ETFA: variants seen among roughly 807,000 people sequenced by gnomAD.
ETFA encodes electron transfer flavoprotein subunit alpha, mitochondrial.
Under a neutral mutation model 46.2 loss-of-function variants are expected in ETFA, and 22 were observed. The ratio of observed to expected loss-of-function variants is 0.48; its 90% CI spans 0.34 to 0.68. The LOEUF is 0.68. Ranked by LOEUF, ETFA falls within the 30% of genes least tolerant of loss-of-function variation. ETFA has a pLI of 0.01. For synonymous variants in ETFA, 131 were observed against 139.9 expected, an observed-to-expected ratio of 0.94 and a Z score of 0.45; for missense variants, 345 against 401.1, an observed-to-expected ratio of 0.86 and a Z score of 1.19.
intron 9 of ETFA, among the ~76,000 whole-genome samples, chr15:76,247,627 C>A (rs973556860): frequency 1.3e-5 from 2 of 152,160 alleles, no homozygotes; most frequent in Non-Finnish European, 2.9e-5. Flanking sequence ...CTTGGTTATT[C>A]ACTAAGAGTT....
chr15:76,274,475 A>G lies in ETFA; in HGVS notation c.753T>C (p.Ala251=). The G allele has an allele frequency of 1.2e-6, 2 of 1,612,612 alleles. No individual in the cohort carries two copies. Among genetic ancestry groups the G allele is most frequent in the South Asian group, 2.2e-5 (2 of 90,766 alleles). Residue 251 remains alanine (A), a synonymous_variant, in exon 9 of 12, where the codon GCT becomes GCC. Transcript: ENST00000557943. The part of the protein sequence containing the change: ...LHAAVGASRA[A]VDAGFVPNDM... ...CATTGGGAACAAAGCCAGCATCAAC[A>G]GCAGCACGGGAAGCACCAACTAAGG...
At chr15:76,275,424 TTC>T (rs1440346548) in intron 8 of ETFA, among the ~76,000 whole-genome samples, 2 of 152,240 alleles carry the variant, frequency 1.3e-5, no homozygotes, top group Non-Finnish European at 2.9e-5. Context: ...TACTCCTGCT[TTC>T]TTTCAATTAG....
chr15:76,295,936 C>CTTTTTTGTTTTTTTTTTTTTTTT (rs2039816651), intron 1 of ETFA, among the ~76,000 whole-genome samples, 199 bp from the exon 2 acceptor site: 1 of 46,602 alleles, frequency 2.1e-5, no homozygotes, highest in African/African-American at 6.7e-5. Flanking sequence ...CACTAATATT[C>CTTTTTTGTTTTTTTTTTTTTTTT]TTTTTTTTTT....
intron 8 of ETFA, among the ~76,000 whole-genome samples, chr15:76,275,087 T>C (rs1319376071): frequency 2.0e-5 from 3 of 152,092 alleles, no homozygotes; most frequent in Admixed American, 6.5e-5. Context: ...TCACCACCAC[T>C]ATCTTGAGTC....
chr15:76,285,634 TAC>T lies in ETFA; in HGVS notation c.664+1_664+2del, dbSNP rs1567215572. The T allele has an allele frequency of 1.3e-6, 2 of 1,512,834 alleles. No individual in the cohort carries two copies. Among genetic ancestry groups the T allele is most frequent in the Non-Finnish European group, 1.8e-6 (2 of 1,088,010 alleles). 93.7% of individuals were successfully genotyped at this position (1,512,834 alleles called of 1,614,324 possible). On this transcript the variant is annotated splice_donor_variant, in intron 7 of 11. Transcript: ENST00000557943. LOFTEE classifies it high-confidence loss of function. Reference sequence around the variant, plus strand: ...CATCTTTTAAGATTAATATTTCACTTACCACCAGATACCACCACTTTGGCACC... The same window carrying T: ...CATCTTTTAAGATTAATATTTCACTTCACCAGATACCACCACTTTGGCACC...
At chr15:76,232,797 A>G (rs935569407) in intron 9 of ETFA, among the ~76,000 whole-genome samples, 2 of 152,194 alleles carry the variant, frequency 1.3e-5, no homozygotes, top group Non-Finnish European at 2.9e-5. Flanking sequence ...TTGTAAAGAA[A>G]GCTCCCCAGG....
chr15:76,233,864 G>A (rs2039094939), intron 9 of ETFA, among the ~76,000 whole-genome samples: 2 of 152,294 alleles, frequency 1.3e-5, no homozygotes, highest in Admixed American at 1.3e-4. Flanking sequence ...GAGTCTTTCT[G>A]TCATACATGT....
chr15:76,285,549 C>G (rs769116837), intron 7 of ETFA, 88 bp downstream of exon 7: 37 of 767,580 alleles, frequency 4.8e-5, no homozygotes, highest in Middle Eastern at 3.0e-4. Context: ...TGAAAAAGAT[C>G]TGTGTACTTC....
chr15:76,304,810 C>A (rs1053868635), intron 1 of ETFA, among the ~76,000 whole-genome samples: 1 of 151,910 alleles, frequency 6.6e-6, no homozygotes, highest in African/African-American at 2.4e-5. Flanking sequence ...TTTGGGAGGC[C>A]GAGGCGGGCA....
intron 2 of ETFA, among the ~76,000 whole-genome samples, chr15:76,294,063 C>T (rs965626067): frequency 6.6e-6 from 1 of 152,112 alleles, no homozygotes; most frequent in African/African-American, 2.4e-5. Context: ...GGTATAAAAC[C>T]GAACTCTATT....
intron 9 of ETFA, among the ~76,000 whole-genome samples, chr15:76,269,176 G>A (rs560180655): frequency 1.9e-4 from 29 of 152,302 alleles, no homozygotes; most frequent in East Asian, 1.4e-3. Context: ...GAAAGCTGCC[G>A]TCAAGAACAA....
intron 9 of ETFA, among the ~76,000 whole-genome samples, chr15:76,245,504 C>T (rs2039235090): frequency 6.6e-6 from 1 of 152,166 alleles, no homozygotes; most frequent in African/African-American, 2.4e-5. Flanking sequence ...TTTGTTCCTA[C>T]ACAGACTTTT....
intron 9 of ETFA, among the ~76,000 whole-genome samples, chr15:76,252,755 T>C (rs1358689687): frequency 6.6e-6 from 1 of 152,166 alleles, no homozygotes; most frequent in Admixed American, 6.5e-5. Context: ...GGATATGGTA[T>C]ATAAATGTGT....
chr15:76,251,253 G>A (rs1567203580), intron 9 of ETFA, among the ~76,000 whole-genome samples: 2 of 152,164 alleles, frequency 1.3e-5, no homozygotes, highest in South Asian at 4.1e-4. Context: ...AAAATGATGG[G>A]GTCCAGAGGA....
intron 9 of ETFA, among the ~76,000 whole-genome samples, chr15:76,252,683 A>G (rs2039310081): frequency 6.6e-6 from 1 of 152,232 alleles, no homozygotes; most frequent in Admixed American, 6.5e-5. Context: ...GCTAACTGAT[A>G]AAACTGGAGT....
At chr15:76,290,181 C>T (rs1016190882) in intron 4 of ETFA, among the ~76,000 whole-genome samples, 10 of 152,042 alleles carry the variant, frequency 6.6e-5, no homozygotes, top group African/African-American at 1.9e-4. Context: ...TAAATTCCAG[C>T]CCATGTTTAC....
intron 11 of ETFA, among the ~76,000 whole-genome samples, chr15:76,224,673 A>G (rs1218606206): frequency 6.6e-6 from 1 of 152,188 alleles, no homozygotes; most frequent in Non-Finnish European, 1.5e-5. Context: ...CCTCTCCACT[A>G]AGGCCCATAG....
Position 76,311,331 on chromosome 15 carries a change from C to T in ETFA, c.39+19G>A. The T allele has an allele frequency of 6.4e-7, 1 of 1,554,730 alleles. No individual in the cohort carries two copies. The highest frequency in any genetic ancestry group is 1.2e-5 in the South Asian group (1 of 84,408). On this transcript the variant is annotated intron_variant, in intron 1 of 11. Coordinates refer to ENST00000557943, the MANE Select transcript of ETFA (RefSeq NM_000126.4). Reference sequence around the variant, plus strand: ...GACGGGGGGCCGTCCCTGGGTTCGCCTTCCCAGTCCGGACTCACCGCCCGC... The same window carrying T: ...GACGGGGGGCCGTCCCTGGGTTCGCTTTCCCAGTCCGGACTCACCGCCCGC...
rs181021450 is a variant in ETFA at position 76,279,266 on chromosome 15, T to C, written c.733+4491A>G. On this transcript the variant is annotated intron_variant, in intron 8 of 11. Transcript: ENST00000557943. ...ACAGTGAAGACAACCATGTAACCAC[T>C]ACCTATGCCTTTTATTATTTATTTT... Among the ~76,000 whole-genome samples the C allele has an allele frequency of 2.0e-3, 302 of 152,276 alleles. 3 individuals carry two copies. The highest frequency in any genetic ancestry group is 6.7e-3 in the African/African-American group (278 of 41,562).
Sources: gnomAD v4.1 joint callset for allele counts (sites outside exome capture counted in the v4.1 genomes callset) on GRCh38, gnomAD v4.1.1 for gene constraint, MANE v1.5 for transcripts, NCBI Gene and HGNC (gene_info 2026-07-23, HGNC 2026-07-21) for gene names.